BCL11A: variants seen among roughly 807,000 people sequenced by gnomAD.
BCL11A encodes B cell CLL/lymphoma 11A.
BCL11A carries 2 observed loss-of-function variants against 55.9 expected under a neutral mutation model. The ratio of observed to expected loss-of-function variants is 0.04; its 90% confidence interval spans 0.01 to 0.11. BCL11A has a LOEUF of 0.11. Ranked by LOEUF, BCL11A falls within the 10% of genes least tolerant of loss-of-function variation. The probability of loss-of-function intolerance (pLI) is 1.00; values close to 1 mark genes in which losing one functional copy is unlikely to be tolerated. For missense variants in BCL11A, 817 were observed against 1,137.1 expected (o/e 0.72, Z 4.05); for synonymous variants, 465 against 473.4 (o/e 0.98, Z 0.23).
Position 60,546,687 on chromosome 2 carries a change from A to G in BCL11A, c.56-387T>C, listed in dbSNP as rs1041558209. Among the ~76,000 whole-genome samples the G allele has an allele frequency of 1.3e-5, 2 of 152,058 alleles. No individual in the cohort carries two copies. Among genetic ancestry groups the G allele is most frequent in the African/African-American group, 4.8e-5 (2 of 41,400 alleles). On this transcript the variant is annotated intron_variant, in intron 1 of 3. Coordinates refer to ENST00000642384, the MANE Select transcript of BCL11A (RefSeq NM_022893.4). The surrounding 1 kb of genome is among the most constrained non-coding windows in gnomAD (Gnocchi z 4.1). Reference sequence around the variant, plus strand: ...AGCTTAAATAATAACTACAAGAAAAACTGGTTAAAAAAAAAAGTGGATAGA... The same window carrying G: ...AGCTTAAATAATAACTACAAGAAAAGCTGGTTAAAAAAAAAAGTGGATAGA...
intron 2 of BCL11A, among the ~76,000 whole-genome samples, chr2:60,531,749 A>G (rs1339387690): frequency 6.6e-6 from 1 of 152,194 alleles, no homozygotes; most frequent in East Asian, 1.9e-4. Context: ...GGCAGGGTCC[A>G]TAACGTCTTA....
chr2:60,496,815 T>C (rs1474302776), intron 2 of BCL11A, among the ~76,000 whole-genome samples: 2 of 151,760 alleles, frequency 1.3e-5, no homozygotes, highest in Non-Finnish European at 1.5e-5. Context: ...CCAAGAGGAG[T>C]CTTACATCAA....
At position 60,546,111 on chromosome 2, in the gene BCL11A, T is replaced by A; in HGVS notation, c.245A>T (p.Asp82Val). The change falls in exon 2 of 4, where the codon GAT becomes GTT. Residue 82 changes from aspartate (D) to valine (V), a missense_variant. Around this residue, in one of 4 missense-constraint regions of BCL11A, gnomAD observed 363 missense variants for 486.6 expected, o/e 0.75. Coordinates refer to ENST00000642384, the MANE Select transcript of BCL11A (RefSeq NM_022893.4). The surrounding 1 kb of genome is among the most constrained non-coding windows in gnomAD (Gnocchi z 4.1). ...NGSLCLEKAV[D>V]KPPSPSPIEM... is the part of the protein sequence containing the mutation. The stretch of plus-strand genomic sequence containing the variant: ...GATTGGTGAAGGGGAAGGTGGCTTA[T>A]CCACAGCTTTTTCTAAGCAGAGGCT... 6.2e-7 allele frequency: 1 copy of A among 1,614,216 alleles called. No individual in the cohort carries two copies. Among genetic ancestry groups the A allele is most frequent in the Non-Finnish European group, 8.5e-7 (1 of 1,180,034 alleles).
At chr2:60,453,387 G>A (rs1375721290), downstream of BCL11A, among the ~76,000 whole-genome samples, 1 of 152,248 alleles carries the variant, frequency 6.6e-6, no homozygotes, top group Non-Finnish European at 1.5e-5. Context: ...GAGTCCGGAT[G>A]TGCCGAGGAA....
At chr2:60,543,151 C>T (rs1246338055) in intron 2 of BCL11A, 1 of 151,432 alleles carries the variant, frequency 6.6e-6, no homozygotes, top group African/African-American at 2.4e-5. Flanking sequence ...GTCCCGAATT[C>T]TAAGCTTTAT....
At chr2:60,496,146 G>T (rs900804878) in intron 2 of BCL11A, among the ~76,000 whole-genome samples, 1 of 152,190 alleles carries the variant, frequency 6.6e-6, no homozygotes, top group African/African-American at 2.4e-5. Context: ...ACGGAAACAG[G>T]GAATTGTTCA....
chr2:60,508,358 C>T (rs1237441182), intron 2 of BCL11A, among the ~76,000 whole-genome samples: 1 of 152,192 alleles, frequency 6.6e-6, no homozygotes, highest in Admixed American at 6.5e-5. Flanking sequence ...CCCCAGGCCA[C>T]ACTCCCTGCA....
chr2:60,460,700 C>T lies in BCL11A; in HGVS notation c.2212G>A (p.Gly738Ser), dbSNP rs1260030200. The T allele has an allele frequency of 6.2e-6, 10 of 1,614,180 alleles. No individual in the cohort carries two copies. The highest frequency in any genetic ancestry group is 8.5e-6 in the Non-Finnish European group (10 of 1,180,036). The change falls in exon 4 of 4, where the codon GGC (glycine) becomes AGC (serine). Residue 738 changes from glycine (G) to serine (S), a missense_variant. Transcript: ENST00000642384. ...PGPGRPSSKE[G>S]RRSDTCEYCG... ...TACTCACAAGTGTCGCTGCGTCTGC[C>T]CTCTTTTGAGCTGGGCCTGCCCGGG...
intron 2 of BCL11A, among the ~76,000 whole-genome samples, chr2:60,488,948 C>CG (rs1233528943): frequency 6.6e-6 from 1 of 152,052 alleles, no homozygotes; most frequent in Admixed American, 6.6e-5. Context: ...TTGGTAGAGA[C>CG]GGGGTTTCTC....
intron 2 of BCL11A, among the ~76,000 whole-genome samples, chr2:60,502,449 G>A (rs1214765598): frequency 1.3e-5 from 2 of 152,196 alleles, no homozygotes; most frequent in Non-Finnish European, 2.9e-5. Flanking sequence ...AGAGTAGCAG[G>A]GGGTTTCTCG....
chr2:60,550,064 G>C (rs1031101052), intron 1 of BCL11A, among the ~76,000 whole-genome samples: 2 of 152,166 alleles, frequency 1.3e-5, no homozygotes, highest in African/African-American at 4.8e-5. Context: ...AGGCCACCGA[G>C]GTCTGTGCTT....
intron 1 of BCL11A, among the ~76,000 whole-genome samples, chr2:60,547,193 C>A (rs1330941884): frequency 6.6e-6 from 1 of 152,078 alleles, no homozygotes. Context: ...TCAGAATGGT[C>A]AAGCAAACAC....
chr2:60,531,455 A>T (rs939352409), intron 2 of BCL11A, among the ~76,000 whole-genome samples: 5 of 152,228 alleles, frequency 3.3e-5, no homozygotes, highest in Non-Finnish European at 4.4e-5. Context: ...GGAATGCATT[A>T]ATTATAACTA....
chr2:60,498,542 G>A (rs1679087390), intron 2 of BCL11A, among the ~76,000 whole-genome samples: 1 of 152,202 alleles, frequency 6.6e-6, no homozygotes, highest in African/African-American at 2.4e-5. Context: ...TCCCTTCCTA[G>A]AATTGGCCTG....
intron 2 of BCL11A, among the ~76,000 whole-genome samples, chr2:60,491,843 G>A (rs1678659102): frequency 6.6e-6 from 1 of 152,146 alleles, no homozygotes; most frequent in African/African-American, 2.4e-5. Context: ...TCCATGTTAA[G>A]AACCCAAATC....
At chr2:60,468,691 A>C in intron 3 of BCL11A, 41 bp downstream of exon 3, 1 of 1,453,434 alleles carries the variant, frequency 6.9e-7, no homozygotes, top group Non-Finnish European at 9.7e-7. Context: ...TCTCATCTCT[A>C]TACACATGGA....
intron 2 of BCL11A, chr2:60,524,527 G>A (rs1052416940): frequency 6.0e-5 from 9 of 150,366 alleles, no homozygotes; most frequent in African/African-American, 1.5e-4. Context: ...AGAGATAGAA[G>A]AGCATGCAAA....
intron 2 of BCL11A, chr2:60,535,688 G>A (rs1669638181): frequency 6.6e-6 from 1 of 152,306 alleles, no homozygotes; most frequent in Admixed American, 6.5e-5. Flanking sequence ...ACAGGAGGGA[G>A]AGGAGCAAGG....
chr2:60,520,295 A>G (rs1668920054), intron 2 of BCL11A, among the ~76,000 whole-genome samples: 1 of 152,186 alleles, frequency 6.6e-6, no homozygotes, highest in South Asian at 2.1e-4. Flanking sequence ...GGTTTTGTTT[A>G]TTTTGAGGAA....
Sources: gnomAD v4.1 joint callset for allele counts (sites outside exome capture counted in the v4.1 genomes callset) on GRCh38, gnomAD v4.1.1 for gene constraint, gnomAD v4.1.1 regional missense constraint, Gnocchi (gnomAD v3.1) non-coding constraint, MANE v1.5 for transcripts, NCBI Gene and HGNC (gene_info 2026-07-23, HGNC 2026-07-21) for gene names.